CFAP74: variants seen among roughly 807,000 people sequenced by gnomAD.
CFAP74 encodes the protein cilia and flagella associated protein 74, also known as cilia- and flagella-associated protein 74.
In CFAP74, 124 loss-of-function variants were observed where a neutral mutation model predicts 188.9. The observed-to-expected ratio is 0.66, with a 90% CI of 0.57 to 0.76. The LOEUF is 0.76. CFAP74 is among the 30% of genes least tolerant of loss of function. The probability of loss-of-function intolerance (pLI) is 0.00; values close to 1 mark genes in which losing one functional copy is unlikely to be tolerated. For synonymous variants in CFAP74, 956 were observed against 916.7 expected (o/e 1.04, Z -0.77); for missense variants, 2,198 against 2,165.2 (o/e 1.02, Z -0.30).
At chr1:1,938,474 AC>A (rs911359055) in intron 25 of CFAP74, among the ~76,000 whole-genome samples, 29 of 113,724 alleles carry the variant, frequency 2.6e-4, no homozygotes, top group African/African-American at 1.1e-3. Context: ...TCACACACAC[AC>A]AGGCTCACAC....
intron 14 of CFAP74, among the ~76,000 whole-genome samples, chr1:1,961,098 G>A (rs1655059950): frequency 6.6e-6 from 1 of 152,128 alleles, no homozygotes; most frequent in African/African-American, 2.4e-5. Context: ...AGCACTAAGG[G>A]GACAAGTGGT....
chr1:1,957,773 GC>G (rs61606886), intron 16 of CFAP74, among the ~76,000 whole-genome samples: 2,441 of 116,422 alleles, frequency 0.021, 49 homozygotes, highest in African/African-American at 0.1. Flanking sequence ...CTGCGGGGGG[GC>G]GGGGGACTTC....
At chr1:1,933,235 G>C (rs1652566705) in intron 25 of CFAP74, among the ~76,000 whole-genome samples, 3 of 140,238 alleles carry the variant, frequency 2.1e-5, no homozygotes, top group Non-Finnish European at 4.5e-5. Context: ...CCCAGGCTTA[G>C]TGCAGTGGTG....
intron 1 of CFAP74, among the ~76,000 whole-genome samples, chr1:1,998,138 T>A (rs1306675228): frequency 6.6e-6 from 1 of 151,818 alleles, no homozygotes; most frequent in African/African-American, 2.4e-5. Context: ...ATTAGCCGAG[T>A]GTGGTGGCGG....
intron 18 of CFAP74, among the ~76,000 whole-genome samples, chr1:1,948,492 T>C (rs1653939358): frequency 6.6e-6 from 1 of 151,118 alleles, no homozygotes. Flanking sequence ...AAACATCTGC[T>C]TAAGCGATCC....
intron 21 of CFAP74, among the ~76,000 whole-genome samples, chr1:1,943,322 G>A (rs1558008150): frequency 6.6e-6 from 1 of 152,190 alleles, no homozygotes; most frequent in South Asian, 2.1e-4. Context: ...GCCAACACAC[G>A]CAGCTGGCTC....
At chr1:1,948,412 A>AATATATAT (rs56005703) in intron 18 of CFAP74, among the ~76,000 whole-genome samples, 2,209 of 144,342 alleles carry the variant, frequency 0.015, 51 homozygotes, top group African/African-American at 0.044. Context: ...GGCATATATA[A>AATATATAT]ATATATATAT....
At position 1,922,309 on chromosome 1, in the gene CFAP74, G is replaced by T. The variant is rs780940169; in HGVS notation, c.4898C>A (p.Ala1633Asp). The T allele has an allele frequency of 6.2e-7, 1 of 1,607,562 alleles. No individual in the cohort carries two copies. Among genetic ancestry groups the T allele is most frequent in the East Asian group, 2.2e-5 (1 of 44,838 alleles). ...VKETYKVIFV[A>D]QVLTGP ...GGCTTAGGGGCCAGTCAACACCTGG[G>T]CTACAAAGATGACCTTGTAGGTCTC... is the stretch of plus-strand genomic sequence containing the variant. The change falls in exon 39 of 39, where the codon GCC becomes GAC. Residue 1633 changes from alanine (A) to aspartate (D), a missense_variant. Coordinates refer to ENST00000682832, the MANE Select transcript of CFAP74 (RefSeq NM_001304360.2).
intron 4 of CFAP74, among the ~76,000 whole-genome samples, chr1:1,987,385 G>A (rs1657307562): frequency 6.6e-6 from 1 of 152,172 alleles, no homozygotes; most frequent in African/African-American, 2.4e-5. Flanking sequence ...GGGAGGAGCT[G>A]GAGCTCCTCC....
At chr1:1,955,333 C>CTA in intron 18 of CFAP74, 1 of 1,180,476 alleles carries the variant, frequency 8.5e-7, no homozygotes, top group Non-Finnish European at 1.1e-6. Flanking sequence ...GCGCGTCTAA[C>CTA]AACAGCCACA....
rs528462729 is a variant in CFAP74 at position 1,958,996 on chromosome 1, A to G, written c.1851+124T>C. The G allele has an allele frequency of 2.1e-4, 140 of 663,196 alleles. No homozygotes were observed. The African/African-American group carries it at 2.3e-3, about 11-fold the overall frequency. 41.1% of individuals were successfully genotyped at this position (663,196 alleles called of 1,614,324 possible). ...GGAAGAAGGGGCTCAGCCCCTGGTG[A>G]AGATTGGAGCTTCCACCTGGTCCCC... On this transcript the variant is annotated intron_variant, in intron 16 of 38. Transcript: ENST00000682832.
intron 33 of CFAP74, 114 bp from the exon 34 acceptor site, chr1:1,924,634 C>A (rs997141677): frequency 2.4e-6 from 3 of 1,248,584 alleles, no homozygotes; most frequent in Non-Finnish European, 2.2e-6. Context: ...AGTGGGGACC[C>A]GGGTGGCCTG....
At chr1:1,946,865 G>A (rs926686937) in intron 19 of CFAP74, 125 bp downstream of exon 19, 9 of 742,854 alleles carry the variant, frequency 1.2e-5, no homozygotes, top group African/African-American at 1.0e-4. Context: ...AGTCTGGCCT[G>A]TCTCTGGTCA....
Position 1,934,441 on chromosome 1 carries a change from G to GTA in CFAP74, c.3012-4106_3012-4105insTA, listed in dbSNP as rs1553218690. On this transcript the variant is annotated intron_variant, in intron 25 of 38. Coordinates refer to ENST00000682832, the MANE Select transcript of CFAP74 (RefSeq NM_001304360.2). ...ACATGTGTGTTGTAGGTACACATGT[G>GTA]TGTATTAGGTTGTAGGTACACAGGT... Among the ~76,000 whole-genome samples, 50 of 30,986 alleles carry GTA rather than the reference G, an allele frequency of 1.6e-3. 6 individuals carry two copies. Among genetic ancestry groups the GTA allele is most frequent in the African/African-American group, 3.7e-3 (45 of 12,002 alleles). The allele number at this position is 30,986 out of a possible 152,430, so 20.3% of individuals were successfully genotyped here. A position where few individuals can be genotyped will look rare whatever the true frequency, so the allele number is the denominator to read the frequency against.
At chr1:1,926,602 G>A (rs1651919972) in intron 30 of CFAP74, 50 bp downstream of exon 30, 1 of 1,545,312 alleles carries the variant, frequency 6.5e-7, no homozygotes, top group Non-Finnish European at 8.8e-7. Context: ...GGGAGGCGTG[G>A]GTGTGCCTGG....
At chr1:1,992,523 G>A (rs921499925) in intron 1 of CFAP74, among the ~76,000 whole-genome samples, 5 of 151,636 alleles carry the variant, frequency 3.3e-5, no homozygotes, top group Non-Finnish European at 5.9e-5. Context: ...TCCCAGGCTG[G>A]AGTGCAGTGG....
At chr1:1,946,495 T>C (rs1653786330) in intron 19 of CFAP74, 56 bp from the exon 20 acceptor site, 1 of 1,474,174 alleles carries the variant, frequency 6.8e-7, no homozygotes, top group Non-Finnish European at 9.0e-7. Flanking sequence ...TTAAGATCCC[T>C]TCCCAACCCT....
chr1:1,950,396 A>G (rs1371023066), intron 18 of CFAP74, among the ~76,000 whole-genome samples: 2 of 150,126 alleles, frequency 1.3e-5, no homozygotes, highest in South Asian at 2.1e-4. Flanking sequence ...CTGGAGTGCA[A>G]TGGTGCAGTC....
intron 18 of CFAP74, among the ~76,000 whole-genome samples, chr1:1,948,934 T>TTCTCTC (rs1653990146): frequency 4.9e-5 from 2 of 40,756 alleles, no homozygotes; most frequent in Non-Finnish European, 6.5e-5. Flanking sequence ...CCTTCCTCTT[T>TTCTCTC]CCTCCCTTCC....
Sources: gnomAD v4.1 joint callset for allele counts (sites outside exome capture counted in the v4.1 genomes callset) on GRCh38, gnomAD v4.1.1 for gene constraint, MANE v1.5 for transcripts, NCBI Gene and HGNC (gene_info 2026-07-23, HGNC 2026-07-21) for gene names.